The following DST variants were observed in gnomAD, a reference collection of about 807,000 sequenced individuals.
DST encodes bullous pemphigoid antigen.
In DST, 253 loss-of-function variants were observed where a neutral mutation model predicts 875.2. The observed-to-expected ratio is 0.29, with a 90% CI of 0.26 to 0.32. DST has a LOEUF of 0.32. DST is among the 10% of genes least tolerant of loss of function. The probability of loss-of-function intolerance (pLI) is 1.00; values close to 1 mark genes in which losing one functional copy is unlikely to be tolerated. For synonymous variants in DST, 3,124 were observed against 3,197.1 expected (o/e 0.98, Z 0.77); for missense variants, 8,287 against 9,111.6 (o/e 0.91, Z 3.68).
At position 56,639,494 on chromosome 6, in the gene DST, T is replaced by A; in HGVS notation, c.2815A>T (p.Ser939Cys). ...CTAGCTATGTTGGTGTTTCTCTCAC[T>A]CCAGTCATAAGCAACTTCCTCCTCT... ...KEEEEVAYDW[S>C]ERNTNIARKK... is the part of the protein sequence containing the mutation. The change falls in exon 21 of 104, where the codon AGT (serine) becomes TGT (cysteine). Residue 939 changes from serine (S) to cysteine (C), a missense_variant. Transcript: ENST00000680361. The A allele has an allele frequency of 6.2e-7, 1 of 1,613,886 alleles. No homozygotes were observed. Among genetic ancestry groups the A allele is most frequent in the Non-Finnish European group, 8.5e-7 (1 of 1,179,900 alleles).
At chr6:56,498,164 T>TA (rs879368605) in intron 80 of DST, 111 bp from the exon 81 acceptor site, 4 of 1,085,646 alleles carry the variant, frequency 3.7e-6, no homozygotes, top group Non-Finnish European at 5.3e-6. Flanking sequence ...AAAAACGTTA[T>TA]ATGTGTAGAA....
chr6:56,614,240 G>T, intron 37 of DST, 116 bp downstream of exon 37: 3 of 914,676 alleles, frequency 3.3e-6, no homozygotes, highest in Non-Finnish European at 4.7e-6. Context: ...ATTATATTGG[G>T]CTATAACAAT....
Position 56,598,637 on chromosome 6 carries a change from T to G in DST, c.11767A>C (p.Lys3923Gln), listed in dbSNP as rs1345284026. 2.5e-6 allele frequency: 4 copies of G among 1,611,764 alleles called. No homozygotes were observed. The highest frequency in any genetic ancestry group is 3.4e-6 in the Non-Finnish European group (4 of 1,178,762). ...TGTGACAGCTTTTCACCATTCTCTTTTAAGAAGTTCTCTGTGTTTTTCACT... is the reference window on the plus strand; with the variant it reads ...TGTGACAGCTTTTCACCATTCTCTTGTAAGAAGTTCTCTGTGTTTTTCACT... Reference protein sequence around the residue: ...EVVKNTENFLKENGEKLSQED... With the variant: ...EVVKNTENFLQENGEKLSQED... The change falls in exon 46 of 104, where the codon AAA becomes CAA. Residue 3923 changes from lysine (K) to glutamine (Q), a missense_variant. Physicochemically the swap from Lys to Gln is moderately conservative, Grantham distance 53. Coordinates refer to ENST00000680361, the MANE Select transcript of DST (RefSeq NM_001374736.1).
chr6:56,739,786 C>T (rs1563951367), intron 4 of DST, among the ~76,000 whole-genome samples: 1 of 152,182 alleles, frequency 6.6e-6, no homozygotes, highest in Non-Finnish European at 1.5e-5. Flanking sequence ...ATGGCAATGT[C>T]AGGAAGCTAC....
At position 56,609,252 on chromosome 6, in the gene DST, G is replaced by A. The variant is rs748025632; in HGVS notation, c.5376C>T (p.Asp1792=). 10 of 1,613,620 alleles carry A rather than the reference G, an allele frequency of 6.2e-6. No individual in the cohort carries two copies. Among genetic ancestry groups the A allele is most frequent in the Non-Finnish European group, 8.5e-6 (10 of 1,179,668 alleles). The part of the protein sequence containing the change: ...QAVLRGLIDY[D]TGIRLLETQL... ...GTGTCTCAAGCAACCTAATTCCTGT[G>A]TCATAGTCAATGAGGCCTCTTAAAA... Residue 1792 remains aspartate (D), a synonymous_variant, in exon 40 of 104, where the codon GAC becomes GAT. Transcript: ENST00000680361.
Position 56,526,561 on chromosome 6 carries a change from T to C in DST, c.17929A>G (p.Lys5977Glu). 6.2e-7 allele frequency: 1 copy of C among 1,613,308 alleles called. No homozygotes were observed. The highest frequency in any genetic ancestry group is 1.1e-5 in the South Asian group (1 of 91,010). ...SQAQMRPKEL[K>E]KEAKNNKALL... ...GCTTTGTTGTTCTTAGCTTCCTTTTTCAGTTCCTGAAAACATACAAATAAG... is the reference window on the plus strand; with the variant it reads ...GCTTTGTTGTTCTTAGCTTCCTTTTCCAGTTCCTGAAAACATACAAATAAG... The change falls in exon 69 of 104, where the codon AAA becomes GAA. Residue 5977 changes from lysine (K) to glutamate (E), a missense_variant. By Grantham distance (56) the Lys-to-Glu change is moderately conservative. This residue lies in a region of DST where 777 missense variants were observed against 764.8 expected (regional missense o/e 1.02). Coordinates refer to ENST00000680361, the MANE Select transcript of DST (RefSeq NM_001374736.1).
chr6:56,619,763 A>C (rs2152738064), intron 36 of DST: 1 of 1,614,052 alleles, frequency 6.2e-7, no homozygotes, highest in East Asian at 2.2e-5. Context: ...CTTCCTTTCC[A>C]GCTCCAACTT....
chr6:56,573,568 A>G lies in DST; in HGVS notation c.13236+111T>C, dbSNP rs375818692. The G allele has an allele frequency of 1.1e-3, 865 of 773,886 alleles. 15 individuals are homozygous for G. The South Asian group carries it at 0.015, about 13-fold the overall frequency. 47.9% of individuals were successfully genotyped at this position (773,886 alleles called of 1,614,324 possible). A position where few individuals can be genotyped will look rare whatever the true frequency, so the allele number is the denominator to read the frequency against. Reference sequence around the variant, plus strand: ...TTACTTTCCACACTCATATTCAGTAAATGTCTCTTTTTTGTGTCCTTAAGT... The same window carrying G: ...TTACTTTCCACACTCATATTCAGTAGATGTCTCTTTTTTGTGTCCTTAAGT... On this transcript the variant is annotated intron_variant, in intron 51 of 103. Transcript: ENST00000680361.
chr6:56,893,193 C>G (rs1788459582), intron 3 of DST, among the ~76,000 whole-genome samples: 1 of 152,192 alleles, frequency 6.6e-6, no homozygotes, highest in Non-Finnish European at 1.5e-5. Flanking sequence ...TCCATTTTAT[C>G]ATTCTTACGA....
intron 4 of DST, among the ~76,000 whole-genome samples, chr6:56,812,476 G>T (rs2099761604): frequency 2.0e-5 from 3 of 152,134 alleles, no homozygotes; most frequent in Admixed American, 1.3e-4. Flanking sequence ...TTCTATAGGA[G>T]GAGAAAACAT....
rs745512661 is a variant in DST, at chr6:56,604,918, G to C, written c.9710C>G (p.Pro3237Arg). Reference protein sequence around the residue: ...EKSTSTQKDSPLNDMIQSNDL... With the variant: ...EKSTSTQKDSRLNDMIQSNDL... ...ATTGCTTTGGATCATGTCATTAAGAGGTGAGTCTTTTTGGGTACTAGTGGA... is the reference window on the plus strand; with the variant it reads ...ATTGCTTTGGATCATGTCATTAAGACGTGAGTCTTTTTGGGTACTAGTGGA... Residue 3237 changes from proline to arginine, a missense_variant, in exon 40 of 104, where the codon CCT becomes CGT. Physicochemically the swap from Pro to Arg is moderately radical, Grantham distance 103. Coordinates refer to ENST00000680361, the MANE Select transcript of DST (RefSeq NM_001374736.1). The C allele has an allele frequency of 3.1e-6, 5 of 1,612,608 alleles. No homozygotes were observed. Among genetic ancestry groups the C allele is most frequent in the Non-Finnish European group, 4.2e-6 (5 of 1,179,222 alleles).
At chr6:56,753,612 C>G (rs1187945069) in intron 4 of DST, among the ~76,000 whole-genome samples, 1 of 152,110 alleles carries the variant, frequency 6.6e-6, no homozygotes, top group Admixed American at 6.5e-5. Context: ...GACTTAAATG[C>G]ATTGATCTCA....
At chr6:56,655,316 C>T (rs183596487) in intron 10 of DST, among the ~76,000 whole-genome samples, 151 of 152,110 alleles carry the variant, frequency 9.9e-4, no homozygotes, top group African/African-American at 3.5e-3. Context: ...AGAGAGGACA[C>T]TAATTAAAGT....
At position 56,459,156 on chromosome 6, in the gene DST, T is replaced by A; in HGVS notation, c.23306A>T (p.Gln7769Leu). 6.2e-7 allele frequency: 1 copy of A among 1,613,998 alleles called. No homozygotes were observed. The highest frequency in any genetic ancestry group is 8.5e-7 in the Non-Finnish European group (1 of 1,179,890). ...AGTTTCCACATCTGAGCACACGGAC[T>A]GGATTTCTGAAATGTCAAAGTCTGA... is the stretch of plus-strand genomic sequence containing the variant. ...DASDFDISEIQSVCSDVETVP... is the reference protein window; with the variant it reads ...DASDFDISEILSVCSDVETVP... The change falls in exon 104 of 104, where the codon CAG (glutamine) becomes CTG (leucine). Residue 7769 changes from glutamine (Q) to leucine (L), a missense_variant. Gln to Leu is a moderately radical substitution (Grantham distance 113). Around this residue, in one of 10 missense-constraint regions of DST, gnomAD observed 240 missense variants for 237.3 expected, o/e 1.01. Transcript: ENST00000680361.
chr6:56,820,136 A>T lies in DST; in HGVS notation c.625+31261T>A, dbSNP rs547761216. ...TTAGAATCCCAGCTCTGCCGTTTTC[A>T]AACCGTAACTTCAGGTAAGTTATTT... On this transcript the variant is annotated intron_variant, in intron 4 of 103. Coordinates refer to ENST00000680361, the MANE Select transcript of DST (RefSeq NM_001374736.1). 3.9e-5 allele frequency among the ~76,000 whole-genome samples: 6 copies of T among 152,328 alleles called. No individual in the cohort carries two copies. The South Asian group carries it at 1.2e-3, about 32-fold the overall frequency.
chr6:56,499,361 C>A (rs965140180), intron 80 of DST, among the ~76,000 whole-genome samples: 3 of 152,090 alleles, frequency 2.0e-5, no homozygotes, highest in Non-Finnish European at 2.9e-5. Context: ...ACAAAACCAA[C>A]TGAGTAAGAA....
chr6:56,928,583 G>A (rs1030200493), intron 2 of DST, among the ~76,000 whole-genome samples: 4 of 151,962 alleles, frequency 2.6e-5, no homozygotes, highest in African/African-American at 4.8e-5. Context: ...TGTCCTAGCC[G>A]ATACAATTAT....
At chr6:56,566,393 G>A (rs2097678825) in intron 55 of DST, among the ~76,000 whole-genome samples, 1 of 152,166 alleles carries the variant, frequency 6.6e-6, no homozygotes, top group South Asian at 2.1e-4. Flanking sequence ...TAGTATCTGG[G>A]CCAGAATGCA....
At chr6:56,716,354 C>G (rs979002182) in intron 5 of DST, among the ~76,000 whole-genome samples, 1 of 152,266 alleles carries the variant, frequency 6.6e-6, no homozygotes, top group Non-Finnish European at 1.5e-5. Context: ...AATATCCTTA[C>G]GCAAAATCAT....
Sources: gnomAD v4.1 joint callset for allele counts (sites outside exome capture counted in the v4.1 genomes callset) on GRCh38, gnomAD v4.1.1 for gene constraint, gnomAD v4.1.1 regional missense constraint, MANE v1.5 for transcripts, NCBI Gene and HGNC (gene_info 2026-07-23, HGNC 2026-07-21) for gene names.